Variants in SOX6 observed in about 807,000 individuals in gnomAD.
SOX6 encodes the protein transcription factor SOX-6.
SOX6 carries 11 observed loss-of-function variants against 97.8 expected under a neutral mutation model. The ratio of observed to expected loss-of-function variants is 0.11; its 90% CI spans 0.07 to 0.19. The LOEUF is 0.19. Among genes scored for constraint, SOX6 ranks in the 10% least tolerant of loss-of-function variants. The pLI is 1.00. For missense variants in SOX6, 810 were observed against 1,039.5 expected, an observed-to-expected ratio of 0.78 and a Z score of 3.04; for synonymous variants, 360 against 371.4, an observed-to-expected ratio of 0.97 and a Z score of 0.35.
At chr11:16,464,035 G>T (rs867945340) in intron 1 of SOX6, among the ~76,000 whole-genome samples, 1 of 152,070 alleles carries the variant, frequency 6.6e-6, no homozygotes. Context: ...TAACTTTATG[G>T]TTATACAGGA....
chr11:16,687,240 G>A (rs1847976461), intron 3 of SOX6, among the ~76,000 whole-genome samples: 1 of 152,182 alleles, frequency 6.6e-6, no homozygotes, highest in Non-Finnish European at 1.5e-5. Flanking sequence ...TCAGCTTCTG[G>A]GGAGGCCTCA....
chr11:16,638,763 GTTGT>G (rs1462028979), intron 3 of SOX6, among the ~76,000 whole-genome samples: 36 of 152,276 alleles, frequency 2.4e-4, no homozygotes, highest in African/African-American at 7.9e-4. Flanking sequence ...TGTTGATGAG[GTTGT>G]TTGTTTTTTT....
chr11:16,686,234 G>C (rs1025161842), intron 3 of SOX6, among the ~76,000 whole-genome samples: 1 of 152,236 alleles, frequency 6.6e-6, no homozygotes, highest in Admixed American at 6.5e-5. Context: ...CTAGCAAGTG[G>C]TTGAATTCCT....
At chr11:16,360,442 T>A (rs1381210094), upstream of SOX6, among the ~76,000 whole-genome samples, 1 of 152,212 alleles carries the variant, frequency 6.6e-6, no homozygotes. Flanking sequence ...ATTACTTGTG[T>A]AACATTCATT....
chr11:16,039,664 C>G (rs1855606039), intron 12 of SOX6, among the ~76,000 whole-genome samples: 1 of 151,890 alleles, frequency 6.6e-6, no homozygotes, highest in Non-Finnish European at 1.5e-5. Context: ...TAAAGAGATT[C>G]ATGAAAATGT....
upstream of SOX6, among the ~76,000 whole-genome samples, chr11:16,357,686 T>C (rs1338327471): frequency 6.6e-6 from 1 of 152,176 alleles, no homozygotes; most frequent in Admixed American, 6.6e-5. Flanking sequence ...CTTCGCTGTG[T>C]GTTAATCTGG....
intron 1 of SOX6, among the ~76,000 whole-genome samples, chr11:16,399,492 T>C (rs1177263741): frequency 6.6e-6 from 1 of 151,352 alleles, no homozygotes; most frequent in African/African-American, 2.4e-5. Flanking sequence ...TCCTGAGTAC[T>C]ACATTATTTT....
chr11:16,540,490 G>A (rs1285476975), intron 4 of SOX6, among the ~76,000 whole-genome samples: 2 of 152,080 alleles, frequency 1.3e-5, no homozygotes, highest in Non-Finnish European at 2.9e-5. Context: ...GCAGGAGAAG[G>A]AAATAAAGGG....
chr11:16,663,667 T>A (rs774115021), intron 3 of SOX6, among the ~76,000 whole-genome samples: 7 of 152,230 alleles, frequency 4.6e-5, no homozygotes, highest in Middle Eastern at 6.8e-3. Flanking sequence ...AAAAAGTGAA[T>A]TTAGCAAGAT....
chr11:16,187,101 C>A, intron 4 of SOX6, 146 bp from the exon 5 acceptor site: 1 of 831,738 alleles, frequency 1.2e-6, no homozygotes, highest in South Asian at 1.5e-5. Flanking sequence ...TACAGGAACA[C>A]CAGAGAGTAA....
intron 3 of SOX6, among the ~76,000 whole-genome samples, chr11:16,618,138 C>T (rs1282476605): frequency 6.6e-6 from 1 of 151,728 alleles, no homozygotes. Context: ...ACAGAAAAAG[C>T]CTGTGAAAAT....
Position 16,243,471 on chromosome 11 carries a change from G to C in SOX6, c.446-8800C>G, listed in dbSNP as rs567752518. Among the ~76,000 whole-genome samples the C allele has an allele frequency of 2.6e-5, 4 of 151,742 alleles. No homozygotes were observed. The South Asian group carries it at 8.3e-4, about 32-fold the overall frequency. ...TCCTTGATATACATAAAAAGATCAAGACTATTGTGTGTCAAGCAGCTATAA... is the reference window on the plus strand; with the variant it reads ...TCCTTGATATACATAAAAAGATCAACACTATTGTGTGTCAAGCAGCTATAA... On this transcript the variant is annotated intron_variant, in intron 3 of 15. Transcript: ENST00000683767.
chr11:16,010,443 T>C (rs937825405), intron 13 of SOX6, among the ~76,000 whole-genome samples: 1 of 152,000 alleles, frequency 6.6e-6, no homozygotes, highest in Admixed American at 6.6e-5. Flanking sequence ...TATCTTTCAC[T>C]ATGCCCCAAA....
intron 3 of SOX6, among the ~76,000 whole-genome samples, chr11:16,260,064 A>G (rs1013864190): frequency 6.6e-6 from 1 of 151,852 alleles, no homozygotes; most frequent in East Asian, 1.9e-4. Flanking sequence ...CAGTGGCCCA[A>G]TCTCGGCTCA....
intron 4 of SOX6, among the ~76,000 whole-genome samples, chr11:16,190,393 A>T (rs1010516432): frequency 8.5e-5 from 13 of 152,198 alleles, no homozygotes; most frequent in Non-Finnish European, 1.8e-4. Flanking sequence ...CCAATCTCGA[A>T]CTGAAAATAT....
At chr11:16,286,532 T>C (rs1236674397) in intron 3 of SOX6, among the ~76,000 whole-genome samples, 1 of 152,150 alleles carries the variant, frequency 6.6e-6, no homozygotes, top group African/African-American at 2.4e-5. Flanking sequence ...TATACTTCAA[T>C]ATAACTAAGA....
At chr11:16,663,645 A>G (rs4756859) in intron 3 of SOX6, among the ~76,000 whole-genome samples, 13,718 of 152,248 alleles carry the variant, frequency 0.09, 790 homozygotes, top group Non-Finnish European at 0.13. Context: ...AAATCTACCA[A>G]TCATGAGAAT....
intron 3 of SOX6, among the ~76,000 whole-genome samples, chr11:16,683,033 T>A (rs191496997): frequency 2.0e-4 from 31 of 152,304 alleles, no homozygotes; most frequent in Non-Finnish European, 3.1e-4. Flanking sequence ...ACAAGGGATG[T>A]GAAGGACCTC....
At chr11:15,980,851 A>T (rs1320855599) in intron 15 of SOX6, among the ~76,000 whole-genome samples, 1 of 152,070 alleles carries the variant, frequency 6.6e-6, no homozygotes, top group Non-Finnish European at 1.5e-5. Flanking sequence ...TGTTATATGC[A>T]GTGCTGTGCC....
Sources: gnomAD v4.1 joint callset for allele counts (sites outside exome capture counted in the v4.1 genomes callset) on GRCh38, gnomAD v4.1.1 for gene constraint, MANE v1.5 for transcripts, NCBI Gene and HGNC (gene_info 2026-07-23, HGNC 2026-07-21) for gene names.